The following CNTNAP2 variants were observed in gnomAD, a reference collection of about 807,000 sequenced individuals.
CNTNAP2 encodes contactin-associated protein-like 2.
In CNTNAP2, 98 loss-of-function variants were observed where a neutral mutation model predicts 155.2. That is an observed-to-expected ratio of 0.63 (90% CI 0.54 to 0.75). CNTNAP2 has a LOEUF of 0.75. Ranked by LOEUF, CNTNAP2 falls within the 30% of genes least tolerant of loss-of-function variation. The probability of loss-of-function intolerance (pLI) is 0.00; values close to 1 mark genes in which losing one functional copy is unlikely to be tolerated. For missense variants in CNTNAP2, 1,727 were observed against 1,688.1 expected (o/e 1.02, Z -0.40); for synonymous variants, 651 against 631.2 (o/e 1.03, Z -0.47).
chr7:146,316,328 A>G (rs1563034950), intron 1 of CNTNAP2, among the ~76,000 whole-genome samples: 1 of 152,120 alleles, frequency 6.6e-6, no homozygotes, highest in African/African-American at 2.4e-5. Context: ...AGGAGAGAGA[A>G]AAGAGGCTGA....
intron 19 of CNTNAP2, among the ~76,000 whole-genome samples, chr7:148,221,422 C>T (rs747543088): frequency 2.6e-5 from 4 of 152,114 alleles, no homozygotes; most frequent in South Asian, 2.1e-4. Flanking sequence ...AGCTCCCCAC[C>T]GGCTGTACTC....
chr7:146,264,965 T>C (rs1187528344), intron 1 of CNTNAP2, among the ~76,000 whole-genome samples: 1 of 152,192 alleles, frequency 6.6e-6, no homozygotes, highest in East Asian at 1.9e-4. Flanking sequence ...CCACATTCAT[T>C]ATAGAGACAA....
chr7:146,624,789 G>A (rs919083178), intron 1 of CNTNAP2, among the ~76,000 whole-genome samples: 1 of 151,974 alleles, frequency 6.6e-6, no homozygotes, highest in Non-Finnish European at 1.5e-5. Context: ...TTGGGATTGT[G>A]TTGAATCTAT....
At chr7:148,225,871 G>A (rs1585200496) in intron 19 of CNTNAP2, among the ~76,000 whole-genome samples, 1 of 152,182 alleles carries the variant, frequency 6.6e-6, no homozygotes, top group Admixed American at 6.5e-5. Flanking sequence ...TAACTGGAAG[G>A]ATGAATTGGC....
At chr7:147,127,897 T>A (rs1801273402) in intron 6 of CNTNAP2, among the ~76,000 whole-genome samples, 1 of 152,184 alleles carries the variant, frequency 6.6e-6, no homozygotes, top group Non-Finnish European at 1.5e-5. Context: ...TCACTATTCA[T>A]AGTAAATATC....
chr7:147,494,825 AAT>A (rs1373352794), intron 11 of CNTNAP2, among the ~76,000 whole-genome samples: 1 of 152,200 alleles, frequency 6.6e-6, no homozygotes, highest in African/African-American at 2.4e-5. Context: ...AGTAAAAAAT[AAT>A]ATGTGTCTCT....
chr7:146,224,090 T>C (rs1268708696), intron 1 of CNTNAP2, among the ~76,000 whole-genome samples: 1 of 152,184 alleles, frequency 6.6e-6, no homozygotes, highest in Non-Finnish European at 1.5e-5. Flanking sequence ...AGTCTCCACT[T>C]TTTTCTGTAA....
intron 9 of CNTNAP2, among the ~76,000 whole-genome samples, chr7:147,382,218 A>G (rs1796548867): frequency 6.6e-6 from 1 of 152,192 alleles, no homozygotes; most frequent in South Asian, 2.1e-4. Context: ...TATTAAATAA[A>G]TAAAAGGCTC....
At chr7:148,051,229 T>G (rs2710133) in intron 15 of CNTNAP2, among the ~76,000 whole-genome samples, 1 of 152,212 alleles carries the variant, frequency 6.6e-6, no homozygotes, top group Non-Finnish European at 1.5e-5. Flanking sequence ...TTGCTTTCAC[T>G]TGGGCCAAAT....
chr7:146,496,269 T>C (rs562690512), intron 1 of CNTNAP2, among the ~76,000 whole-genome samples: 1 of 152,268 alleles, frequency 6.6e-6, no homozygotes, highest in South Asian at 2.1e-4. Context: ...CGCGTGGACA[T>C]GTGCTGATGT....
intron 3 of CNTNAP2, among the ~76,000 whole-genome samples, chr7:146,914,883 G>C (rs1796363607): frequency 6.6e-6 from 1 of 151,806 alleles, no homozygotes; most frequent in Admixed American, 6.6e-5. Context: ...TGGTCATGAA[G>C]TCTTTGCCTA....
chr7:146,395,353 G>A (rs1718075), intron 1 of CNTNAP2, among the ~76,000 whole-genome samples: 20,429 of 152,044 alleles, frequency 0.13, 1,668 homozygotes, highest in African/African-American at 0.23. Context: ...AGAAGCAGAG[G>A]GAAGGGGAGC....
At chr7:148,077,519 G>A (rs1042528942) in intron 15 of CNTNAP2, among the ~76,000 whole-genome samples, 1 of 152,116 alleles carries the variant, frequency 6.6e-6, no homozygotes, top group African/African-American at 2.4e-5. Flanking sequence ...TAAAGGTTGT[G>A]AGCTCTTCCC....
At chr7:148,048,417 T>A (rs1194376990) in intron 15 of CNTNAP2, among the ~76,000 whole-genome samples, 2 of 152,076 alleles carry the variant, frequency 1.3e-5, no homozygotes, top group Non-Finnish European at 2.9e-5. Flanking sequence ...CCTTTCCCCC[T>A]CTCCCTTCCC....
At chr7:146,130,119 G>T (rs1447826024) in intron 1 of CNTNAP2, among the ~76,000 whole-genome samples, 2 of 152,114 alleles carry the variant, frequency 1.3e-5, no homozygotes, top group Non-Finnish European at 2.9e-5. Flanking sequence ...AAATTATCCC[G>T]CTTAATTGTC....
intron 9 of CNTNAP2, among the ~76,000 whole-genome samples, chr7:147,325,183 C>A (rs1232418733): frequency 6.6e-6 from 1 of 151,996 alleles, no homozygotes; most frequent in Non-Finnish European, 1.5e-5. Flanking sequence ...GCCTGCAATC[C>A]CAGCTACTCA....
intron 8 of CNTNAP2, among the ~76,000 whole-genome samples, chr7:147,260,620 AT>A (rs1410866597): frequency 2.0e-5 from 3 of 152,108 alleles, no homozygotes; most frequent in South Asian, 4.1e-4. Context: ...AACCTGTATA[AT>A]TTTTTTCCTC....
chr7:147,854,791 G>A (rs12530803), intron 13 of CNTNAP2, among the ~76,000 whole-genome samples: 2 of 152,034 alleles, frequency 1.3e-5, no homozygotes, highest in Admixed American at 1.3e-4. Flanking sequence ...ACAATTTCAG[G>A]TATGTGCATC....
rs998498970 is a variant in CNTNAP2 at position 148,229,766 on chromosome 7, C to A, written c.3368C>A (p.Thr1123Asn). 1 of 1,614,066 alleles carries A rather than the reference C, an allele frequency of 6.2e-7. No individual in the cohort carries two copies. The highest frequency in any genetic ancestry group is 8.5e-7 in the Non-Finnish European group (1 of 1,179,992). ...HSVNITRHEK[T>N]IFLKLDHYPS... ...GTCAACATCACCCGCCACGAGAAGA[C>A]CATCTTTCTCAAGGTATACATACAT... Residue 1123 changes from threonine (T) to asparagine (N), a missense_variant, in exon 20 of 24, where the codon ACC (threonine) becomes AAC (asparagine). Thr to Asn is a moderately conservative substitution (Grantham distance 65). Coordinates refer to ENST00000361727, the MANE Select transcript of CNTNAP2 (RefSeq NM_014141.6).
Sources: allele counts gnomAD v4.1 joint callset (sites outside exome capture counted in the v4.1 genomes callset), GRCh38; gene constraint gnomAD v4.1.1; transcripts MANE v1.5; gene names NCBI Gene and HGNC (gene_info 2026-07-23, HGNC 2026-07-21).